TMEM117: variants seen among roughly 807,000 people sequenced by gnomAD.
TMEM117 encodes transmembrane protein 117.
TMEM117 carries 27 observed loss-of-function variants against 52.4 expected under a neutral mutation model. The ratio of observed to expected loss-of-function variants is 0.51; its 90% CI spans 0.38 to 0.71. The LOEUF (loss-of-function observed/expected upper bound fraction) is 0.71. Among genes scored for constraint, TMEM117 ranks in the 30% least tolerant of loss-of-function variants. The pLI, the probability that TMEM117 is intolerant of heterozygous loss-of-function variation, is 0.00. For missense variants in TMEM117, 556 were observed against 630.5 expected (o/e 0.88, Z 1.26); for synonymous variants, 215 against 206.3 (o/e 1.04, Z -0.36).
At chr12:44,122,052 T>TC (rs1326875066) in intron 3 of TMEM117, among the ~76,000 whole-genome samples, 3 of 150,636 alleles carry the variant, frequency 2.0e-5, no homozygotes, top group East Asian at 1.9e-4. Flanking sequence ...TCTTTTCTTT[T>TC]TTTTTTTTTT....
At chr12:43,920,549 C>CTT (rs60359835) in intron 2 of TMEM117, among the ~76,000 whole-genome samples, 4 of 86,026 alleles carry the variant, frequency 4.6e-5, no homozygotes, top group Non-Finnish European at 7.3e-5. Context: ...CCTAGAGGGC[C>CTT]TTTTTTTTTT....
chr12:43,855,106 C>T (rs2038103287), intron 2 of TMEM117, among the ~76,000 whole-genome samples: 1 of 152,182 alleles, frequency 6.6e-6, no homozygotes, highest in African/African-American at 2.4e-5. Flanking sequence ...AGACCACAGA[C>T]AGACTCAAGT....
chr12:44,069,801 A>G (rs1038553797), intron 3 of TMEM117, among the ~76,000 whole-genome samples: 1 of 152,214 alleles, frequency 6.6e-6, no homozygotes, highest in East Asian at 1.9e-4. Flanking sequence ...TGCTTTTCTT[A>G]TTGTTTTCTT....
At chr12:44,086,957 AATT>A (rs977354385) in intron 3 of TMEM117, among the ~76,000 whole-genome samples, 1 of 147,546 alleles carries the variant, frequency 6.8e-6, no homozygotes, top group African/African-American at 2.5e-5. Context: ...TATAATATAT[AATT>A]AATAATTATA....
intron 4 of TMEM117, among the ~76,000 whole-genome samples, chr12:44,166,720 T>C (rs1592573613): frequency 6.6e-6 from 1 of 152,326 alleles, no homozygotes; most frequent in Admixed American, 6.5e-5. Flanking sequence ...CTCCTATCTA[T>C]GTTCACATGA....
chr12:44,265,938 T>C (rs1950372575), intron 5 of TMEM117, among the ~76,000 whole-genome samples: 1 of 152,214 alleles, frequency 6.6e-6, no homozygotes, highest in Admixed American at 6.5e-5. Flanking sequence ...TTCATTACTT[T>C]TTATTCACAA....
At position 43,975,608 on chromosome 12, in the gene TMEM117, G is replaced by A. The variant is rs139967060; in HGVS notation, c.410+31266G>A. Among the ~76,000 whole-genome samples the A allele has an allele frequency of 6.2e-3, 937 of 152,298 alleles. 3 individuals are homozygous for A. The highest frequency in any genetic ancestry group is 0.017 in the Middle Eastern group (5 of 294). ...GAGAACTGGCAGTGTTAGCTACATG[G>A]AGTTTTCCTAGGTATAAAGTAAAAA... On this transcript the variant is annotated intron_variant, in intron 3 of 7. Coordinates refer to ENST00000266534, the MANE Select transcript of TMEM117 (RefSeq NM_032256.3).
intron 3 of TMEM117, among the ~76,000 whole-genome samples, chr12:44,000,132 G>A (rs921695399): frequency 1.3e-5 from 2 of 152,080 alleles, no homozygotes; most frequent in African/African-American, 4.8e-5. Context: ...CCTGGGCTAG[G>A]ATATTTTGAA....
At chr12:43,877,321 G>T (rs951114744) in intron 2 of TMEM117, among the ~76,000 whole-genome samples, 1 of 152,106 alleles carries the variant, frequency 6.6e-6, no homozygotes, top group Admixed American at 6.6e-5. Flanking sequence ...CTAATTGAGA[G>T]AATCTATCTC....
At chr12:44,014,464 G>A (rs967642565) in intron 3 of TMEM117, among the ~76,000 whole-genome samples, 1 of 152,156 alleles carries the variant, frequency 6.6e-6, no homozygotes, top group Non-Finnish European at 1.5e-5. Context: ...AATAGCTGGG[G>A]TATGTCCTGA....
chr12:44,009,359 C>G (rs1231685721), intron 3 of TMEM117: 2 of 212,224 alleles, frequency 9.4e-6, no homozygotes, highest in Non-Finnish European at 1.9e-5. Context: ...CTCTGCATTA[C>G]AACATCATAA....
chr12:44,102,494 C>G (rs1947878911), intron 3 of TMEM117, among the ~76,000 whole-genome samples: 1 of 151,858 alleles, frequency 6.6e-6, no homozygotes, highest in Non-Finnish European at 1.5e-5. Flanking sequence ...ATGCCTCTCT[C>G]TGGCTTTCTT....
intron 6 of TMEM117, among the ~76,000 whole-genome samples, chr12:44,309,942 C>T (rs187708023): frequency 2.0e-5 from 3 of 152,134 alleles, no homozygotes; most frequent in African/African-American, 7.2e-5. Flanking sequence ...AACACTCTTG[C>T]AATAGACTAA....
intron 4 of TMEM117, 103 bp from the exon 5 acceptor site, chr12:44,211,187 G>A (rs1279459364): frequency 2.0e-5 from 16 of 780,822 alleles, no homozygotes; most frequent in Middle Eastern, 2.2e-4. Flanking sequence ...ATGTTAAAAC[G>A]TATACTTATT....
At chr12:44,274,313 A>G (rs1468696467) in intron 5 of TMEM117, among the ~76,000 whole-genome samples, 1 of 152,158 alleles carries the variant, frequency 6.6e-6, no homozygotes, top group African/African-American at 2.4e-5. Flanking sequence ...GAGGACACCA[A>G]AAAATGGAAA....
chr12:43,967,427 G>T (rs1248198765), intron 3 of TMEM117, among the ~76,000 whole-genome samples: 1 of 151,948 alleles, frequency 6.6e-6, no homozygotes, highest in African/African-American at 2.4e-5. Context: ...CCAGCCACAT[G>T]TTACTTCTGA....
intron 5 of TMEM117, among the ~76,000 whole-genome samples, chr12:44,281,489 T>C (rs994731038): frequency 6.6e-6 from 1 of 152,138 alleles, no homozygotes; most frequent in Non-Finnish European, 1.5e-5. Context: ...TGTAAACACT[T>C]TGTCTTCATC....
intron 3 of TMEM117, among the ~76,000 whole-genome samples, chr12:44,036,096 G>T (rs1946705816): frequency 1.3e-5 from 2 of 152,050 alleles, no homozygotes; most frequent in South Asian, 4.1e-4. Flanking sequence ...AAAGTTTCTA[G>T]ATCACAGAGA....
intron 7 of TMEM117, among the ~76,000 whole-genome samples, chr12:44,378,664 G>A (rs972271756): frequency 5.9e-5 from 9 of 152,268 alleles, no homozygotes; most frequent in South Asian, 2.1e-4. Flanking sequence ...TGGTTTGCCC[G>A]AAGGTGGTAA....
Sources: gnomAD v4.1 joint callset for allele counts (sites outside exome capture counted in the v4.1 genomes callset) on GRCh38, gnomAD v4.1.1 for gene constraint, MANE v1.5 for transcripts, NCBI Gene and HGNC (gene_info 2026-07-23, HGNC 2026-07-21) for gene names.